The following CDH22 variants were observed in gnomAD, a reference collection of about 807,000 sequenced individuals.
The protein encoded by CDH22 is cadherin 22, also known as cadherin-22.
CDH22 carries 30 observed loss-of-function variants against 58.4 expected under a neutral mutation model. The observed-to-expected ratio is 0.51, with a 90% CI of 0.38 to 0.70. The LOEUF is 0.70. CDH22 is among the 30% of genes least tolerant of loss of function. The probability of loss-of-function intolerance (pLI) is 0.00; values close to 1 mark genes in which losing one functional copy is unlikely to be tolerated. For synonymous variants in CDH22, 513 were observed against 558.2 expected, an observed-to-expected ratio of 0.92 and a Z score of 1.14; for missense variants, 1,014 against 1,233.9, an observed-to-expected ratio of 0.82 and a Z score of 2.67.
At chr20:46,207,192 C>A (rs543512501) in intron 7 of CDH22, among the ~76,000 whole-genome samples, 1 of 152,224 alleles carries the variant, frequency 6.6e-6, no homozygotes, top group Non-Finnish European at 1.5e-5. Context: ...GGGAAGGGGC[C>A]GGCAAAGAGA....
At chr20:46,257,390 G>T (rs139982601) in intron 1 of CDH22, among the ~76,000 whole-genome samples, 1 of 152,128 alleles carries the variant, frequency 6.6e-6, no homozygotes, top group East Asian at 1.9e-4. Flanking sequence ...TCAATAATTC[G>T]GCAGAGGACT....
chr20:46,186,235 C>A (rs1240299379), intron 10 of CDH22, among the ~76,000 whole-genome samples: 5 of 151,268 alleles, frequency 3.3e-5, no homozygotes, highest in African/African-American at 1.2e-4. Flanking sequence ...AATAAAAAGC[C>A]AGAAACCTGC....
In CDH22 at chr20:46,210,283, G is replaced by A. The variant is rs1568659433; in HGVS notation, c.1286+24C>T. 2.9e-6 allele frequency: 4 copies of A among 1,380,872 alleles called. No homozygotes were observed. The highest frequency in any genetic ancestry group is 2.8e-6 in the Non-Finnish European group (3 of 1,073,352). 85.5% of individuals were successfully genotyped at this position (1,380,872 alleles called of 1,614,324 possible). A position where few individuals can be genotyped will look rare whatever the true frequency, so the allele number is the denominator to read the frequency against. ...GATGGCGGGATAGCAGGCAGCAGGC[G>A]TCGGCCCCGGGCGGGGGTCTCACCG... On this transcript the variant is annotated intron_variant, in intron 7 of 11. Coordinates refer to ENST00000537909, the MANE Select transcript of CDH22 (RefSeq NM_021248.3). The surrounding 1 kb of genome is among the most constrained non-coding windows in gnomAD (Gnocchi z 4.5).
intron 10 of CDH22, among the ~76,000 whole-genome samples, chr20:46,182,175 C>T (rs1369755256): frequency 1.3e-5 from 2 of 152,124 alleles, no homozygotes; most frequent in Non-Finnish European, 2.9e-5. Flanking sequence ...GGGCTTTAAG[C>T]AAAGAAGTGA....
chr20:46,254,386 C>T (rs1366155456), intron 1 of CDH22, among the ~76,000 whole-genome samples: 2 of 151,958 alleles, frequency 1.3e-5, no homozygotes, highest in Non-Finnish European at 2.9e-5. Context: ...GAAACCCCAT[C>T]TCTACTAAAA....
At chr20:46,223,031 G>T (rs1225054660) in intron 4 of CDH22, among the ~76,000 whole-genome samples, 1 of 152,250 alleles carries the variant, frequency 6.6e-6, no homozygotes. Context: ...CTGTGGGCAA[G>T]GGGAGGCAAA....
At chr20:46,193,856 A>G (rs1457246374) in intron 8 of CDH22, among the ~76,000 whole-genome samples, 2 of 151,868 alleles carry the variant, frequency 1.3e-5, no homozygotes, top group African/African-American at 4.8e-5. Context: ...TTGAAACCCA[A>G]CTCAGATGTC....
intron 1 of CDH22, among the ~76,000 whole-genome samples, chr20:46,283,991 C>T (rs2086562951): frequency 6.6e-6 from 1 of 152,126 alleles, no homozygotes. Flanking sequence ...GGTAATTAGT[C>T]CCCTTAATGC....
rs2086038211 is a variant in CDH22, at chr20:46,210,837, T to C, written c.1033-277A>G. 1.3e-5 allele frequency among the ~76,000 whole-genome samples: 2 copies of C among 152,238 alleles called. No homozygotes were observed. Among genetic ancestry groups the C allele is most frequent in the Admixed American group, 1.3e-4 (2 of 15,290 alleles). On this transcript the variant is annotated intron_variant, in intron 6 of 11. Coordinates refer to ENST00000537909, the MANE Select transcript of CDH22 (RefSeq NM_021248.3). The surrounding 1 kb of genome is among the most constrained non-coding windows in gnomAD (Gnocchi z 4.5). Reference sequence around the variant, plus strand: ...AAACTTCCTGCTTCCCAGCGCAGTGTTGGCGGCATATTTCATTAGTTTAGT... The same window carrying C: ...AAACTTCCTGCTTCCCAGCGCAGTGCTGGCGGCATATTTCATTAGTTTAGT...
chr20:46,178,586 C>CTTTTTTTTTTTTTTTTTTTTTTT (rs33937889), intron 10 of CDH22, among the ~76,000 whole-genome samples: 16 of 95,340 alleles, frequency 1.7e-4, no homozygotes, highest in African/African-American at 2.1e-4. Context: ...CTGGCGTTGT[C>CTTTTTTTTTTTTTTTTTTTTTTT]TTTTTTTTTT....
intron 2 of CDH22, among the ~76,000 whole-genome samples, chr20:46,246,563 T>C (rs1033039484): frequency 3.3e-5 from 5 of 152,078 alleles, no homozygotes; most frequent in African/African-American, 9.7e-5. Context: ...AGGGTGGGTG[T>C]CGTGAGAAGG....
chr20:46,243,386 G>A (rs1157464966), intron 2 of CDH22, among the ~76,000 whole-genome samples: 1 of 152,178 alleles, frequency 6.6e-6, no homozygotes, highest in Non-Finnish European at 1.5e-5. Flanking sequence ...AGCAGAAATT[G>A]CGGGGACTAA....
intron 7 of CDH22, among the ~76,000 whole-genome samples, chr20:46,203,747 G>T (rs904969133): frequency 1.3e-5 from 2 of 152,210 alleles, no homozygotes; most frequent in Non-Finnish European, 2.9e-5. Flanking sequence ...CCAGTGTGTG[G>T]CTTGCATGCC....
chr20:46,283,399 A>G lies in CDH22; in HGVS notation c.-400+24856T>C, dbSNP rs1011891645. ...TCTGGTCTTCCACTTTCCCATCCGTACACTGCAGTAATGATAGGAACTGCC... is the reference window on the plus strand; with the variant it reads ...TCTGGTCTTCCACTTTCCCATCCGTGCACTGCAGTAATGATAGGAACTGCC... On this transcript the variant is annotated intron_variant, in intron 1 of 11. Transcript: ENST00000537909. Among the ~76,000 whole-genome samples, 3 of 152,138 alleles carry G rather than the reference A, an allele frequency of 2.0e-5. No homozygotes were observed. The South Asian group carries it at 6.2e-4, about 32-fold the overall frequency.
At chr20:46,228,059 T>C (rs1685373497) in intron 3 of CDH22, among the ~76,000 whole-genome samples, 2 of 152,204 alleles carry the variant, frequency 1.3e-5, no homozygotes, top group Admixed American at 1.3e-4. Context: ...CACAGTCAGT[T>C]GGAGCCAGGA....
chr20:46,301,667 C>T (rs995380522), intron 1 of CDH22, among the ~76,000 whole-genome samples: 4 of 151,730 alleles, frequency 2.6e-5, no homozygotes, highest in Admixed American at 6.6e-5. Context: ...AAAAATTGGC[C>T]GGGTGTTGTG....
chr20:46,218,291 A>C (rs1207639474), intron 4 of CDH22, among the ~76,000 whole-genome samples: 1 of 152,186 alleles, frequency 6.6e-6, no homozygotes, highest in Admixed American at 6.5e-5. Context: ...ACACACAGAC[A>C]CAACACAAAA....
chr20:46,262,428 C>T (rs112890444), intron 1 of CDH22, among the ~76,000 whole-genome samples: 273 of 152,214 alleles, frequency 1.8e-3, no homozygotes, highest in African/African-American at 6.1e-3. Context: ...GGCTATATGT[C>T]GAACATGCTG....
At chr20:46,181,265 A>AG (rs1472041757) in intron 10 of CDH22, among the ~76,000 whole-genome samples, 6 of 152,322 alleles carry the variant, frequency 3.9e-5, no homozygotes, top group African/African-American at 1.4e-4. Context: ...AGTGCTGTGA[A>AG]GGAAGAATAT....
Sources: allele counts gnomAD v4.1 joint callset (sites outside exome capture counted in the v4.1 genomes callset), GRCh38; gene constraint gnomAD v4.1.1; non-coding constraint Gnocchi (gnomAD v3.1); transcripts MANE v1.5; gene names NCBI Gene and HGNC (gene_info 2026-07-23, HGNC 2026-07-21).